Variants in ASAH1 observed in about 807,000 individuals in gnomAD.
The protein encoded by ASAH1 is N-acylsphingosine amidohydrolase 1, also known as acid ceramidase.
In ASAH1, 70 loss-of-function variants were observed where a neutral mutation model predicts 59.5. That is an observed-to-expected ratio of 1.18 (90% CI 0.97 to 1.43). The LOEUF is 1.43. Among genes scored for constraint, ASAH1 ranks in the 40% most tolerant of loss-of-function variants. The pLI, the probability that ASAH1 is intolerant of heterozygous loss-of-function variation, is 0.00. For missense variants in ASAH1, 660 were observed against 482.5 expected, an observed-to-expected ratio of 1.37 and a Z score of -3.45; for synonymous variants, 213 against 166.5, an observed-to-expected ratio of 1.28 and a Z score of -2.15.
chr8:18,072,396 A>G (rs1800210861), intron 2 of ASAH1, among the ~76,000 whole-genome samples: 1 of 152,204 alleles, frequency 6.6e-6, no homozygotes, highest in East Asian at 1.9e-4. Flanking sequence ...TTCCACTATC[A>G]TAAATAATTA....
At chr8:18,076,109 C>T (rs970186179) in intron 1 of ASAH1, 1 of 169,992 alleles carries the variant, frequency 5.9e-6, no homozygotes, top group Non-Finnish European at 1.3e-5. Context: ...CAGGCACTTC[C>T]TATCATCTCT....
intron 1 of ASAH1, among the ~76,000 whole-genome samples, chr8:18,078,735 A>G (rs552639029): frequency 2.6e-5 from 4 of 152,306 alleles, no homozygotes; most frequent in Admixed American, 2.6e-4. Flanking sequence ...GCAGGTAAAA[A>G]CTTAAATAGA....
At position 18,057,131 on chromosome 8, in the gene ASAH1, T is replaced by A. The variant is rs1184623542; in HGVS notation, c.*403A>T. The A allele has an allele frequency of 1.0e-5, 2 of 192,418 alleles. No homozygotes were observed. Among genetic ancestry groups the A allele is most frequent in the Non-Finnish European group, 2.2e-5 (2 of 90,848 alleles). 11.9% of individuals were successfully genotyped at this position (192,418 alleles called of 1,614,324 possible). A position where few individuals can be genotyped will look rare whatever the true frequency, so the allele number is the denominator to read the frequency against. ...AAACATACAAATATGTAGGTAGAAG[T>A]GAAAAACTGAAGAATGTGGAGTGTT... is the stretch of plus-strand genomic sequence containing the variant. On this transcript the variant is annotated 3_prime_UTR_variant, in exon 14 of 14. Coordinates refer to ENST00000637790, the MANE Select transcript of ASAH1 (RefSeq NM_177924.5).
chr8:18,059,524 A>T (rs753916004), intron 11 of ASAH1, 48 bp downstream of exon 11: 1 of 1,614,122 alleles, frequency 6.2e-7, no homozygotes, highest in South Asian at 1.1e-5. Context: ...AAAGTATATC[A>T]GTGTATGCTT....
rs1588969963 is a variant in ASAH1 at position 18,056,203 on chromosome 8, C to T, written c.*1331G>A. 2.6e-5 allele frequency: 4 copies of T among 152,078 alleles called. No homozygotes were observed. In the East Asian group the frequency reaches 5.8e-4, roughly 22 times the overall value. 9.4% of individuals were successfully genotyped at this position (152,078 alleles called of 1,614,324 possible). On this transcript the variant is annotated 3_prime_UTR_variant, in exon 14 of 14. Coordinates refer to ENST00000637790, the MANE Select transcript of ASAH1 (RefSeq NM_177924.5). ...GAATCACTAAAGTTTTGTGGAAGCA[C>T]CACCTATCTGGGGGAAAAACTGCCT...
chr8:18,078,841 T>C (rs1471627354), intron 1 of ASAH1, among the ~76,000 whole-genome samples: 1 of 152,120 alleles, frequency 6.6e-6, no homozygotes, highest in Non-Finnish European at 1.5e-5. Context: ...AAAATCCAAC[T>C]TAGAATCAAT....
chr8:18,074,221 A>G (rs575604101), intron 2 of ASAH1, among the ~76,000 whole-genome samples: 2 of 152,218 alleles, frequency 1.3e-5, no homozygotes, highest in Non-Finnish European at 1.5e-5. Context: ...CATGTCACTG[A>G]AGGCCAGAAT....
At position 18,058,838 on chromosome 8, in the gene ASAH1, G is replaced by A; in HGVS notation, c.1095C>T (p.Asn365=). 1 of 1,609,816 alleles carries A rather than the reference G, an allele frequency of 6.2e-7. No individual in the cohort carries two copies. The highest frequency in any genetic ancestry group is 8.5e-7 in the Non-Finnish European group (1 of 1,176,076). ...ATACATATAACATTTAAAATACCTT[G>A]TTGAGGACAGGTTTTGTTGACAGGA... ...YDVLSTKPVL[N]KLTVYTTLID... Residue 365 remains asparagine, a synonymous_variant, in exon 13 of 14, where the codon AAC becomes AAT. Transcript: ENST00000637790.
At chr8:18,061,635 C>G (rs529018586) in intron 9 of ASAH1, 51 bp downstream of exon 9, 1 of 1,557,548 alleles carries the variant, frequency 6.4e-7, no homozygotes, top group East Asian at 2.4e-5. Flanking sequence ...TCCAGCCTTC[C>G]TCATAAAAAA....
chr8:18,061,214 C>A lies in ASAH1; in HGVS notation c.785+163G>T, dbSNP rs1473236954. 14 of 605,064 alleles carry A rather than the reference C, an allele frequency of 2.3e-5. No individual in the cohort carries two copies. In the African/African-American group the frequency reaches 2.6e-4, roughly 11 times the overall value. 37.5% of individuals were successfully genotyped at this position (605,064 alleles called of 1,614,324 possible). ...TATTTGCTATAAAACACACAGTCTG[C>A]ACGAAGAAAACATGAGTAATTCCAC... On this transcript the variant is annotated intron_variant, in intron 10 of 13. Coordinates refer to ENST00000637790, the MANE Select transcript of ASAH1 (RefSeq NM_177924.5).
chr8:18,073,015 A>C (rs1248413639), intron 2 of ASAH1, among the ~76,000 whole-genome samples: 1 of 152,176 alleles, frequency 6.6e-6, no homozygotes, highest in Non-Finnish European at 1.5e-5. Context: ...TGAACACAAC[A>C]CAACGGACAA....
chr8:18,077,078 C>T (rs1800433067), intron 1 of ASAH1, among the ~76,000 whole-genome samples: 1 of 152,202 alleles, frequency 6.6e-6, no homozygotes, highest in African/African-American at 2.4e-5. Flanking sequence ...AACTCAAAGA[C>T]TGCAAAACTT....
chr8:18,075,035 G>C (rs186069959), intron 2 of ASAH1, among the ~76,000 whole-genome samples: 1 of 134,564 alleles, frequency 7.4e-6, no homozygotes, highest in South Asian at 2.5e-4. Context: ...TCACTCTGTC[G>C]CCCAGACTGG....
intron 5 of ASAH1, 97 bp downstream of exon 5, chr8:18,067,123 A>ACATACAGCACCTGTGCTGTATATCTAAGC: frequency 1.8e-6 from 1 of 554,786 alleles, no homozygotes; most frequent in African/African-American, 2.6e-5. Context: ...TATATCTAAG[A>ACATACAGCACCTGTGCTGTATATCTAAGC]CATACAGCAC....
intron 8 of ASAH1, chr8:18,062,048 C>T: frequency 1.6e-6 from 1 of 641,110 alleles, no homozygotes; most frequent in Non-Finnish European, 2.7e-6. Flanking sequence ...ACTCCCAGCC[C>T]TTGACACCCA....
intron 13 of ASAH1, 54 bp from the exon 14 acceptor site, chr8:18,057,677 G>T: frequency 7.9e-7 from 1 of 1,258,204 alleles, no homozygotes; most frequent in Non-Finnish European, 1.1e-6. Context: ...GAGATGTTCT[G>T]ATATATATTA....
intron 3 of ASAH1, 146 bp downstream of exon 3, chr8:18,071,154 C>G (rs1800152474): frequency 3.2e-6 from 1 of 308,772 alleles, no homozygotes; most frequent in South Asian, 8.1e-5. Flanking sequence ...TTGCGGCGAG[C>G]TGAGATCGTG....
At chr8:18,081,382 C>T (rs1401111042) in intron 1 of ASAH1, among the ~76,000 whole-genome samples, 1 of 152,172 alleles carries the variant, frequency 6.6e-6, no homozygotes, top group Non-Finnish European at 1.5e-5. Flanking sequence ...ACCTCCAATC[C>T]AGACTCATCT....
chr8:18,075,585 C>G lies in ASAH1; in HGVS notation c.81G>C (p.Trp27Cys), dbSNP rs1800371162. Reference sequence around the variant, plus strand: ...AGGTTGATTTTCTGCAGTCCTCTGTCCACTGAAAAGCAAAGAAAATTAAGT... The same window carrying G: ...AGGTTGATTTTCTGCAGTCCTCTGTGCACTGAAAAGCAAAGAAAATTAAGT... ...SCAVAQHAPPWTEDCRKSTYP... is the reference protein window; with the variant it reads ...SCAVAQHAPPCTEDCRKSTYP... The change falls in exon 2 of 14, where the codon TGG (tryptophan) becomes TGC (cysteine). Residue 27 changes from tryptophan (W) to cysteine (C), a missense_variant and splice_region_variant. Physicochemically the swap from Trp to Cys is radical, Grantham distance 215 (BLOSUM62 -2). Coordinates refer to ENST00000637790, the MANE Select transcript of ASAH1 (RefSeq NM_177924.5). 1 of 1,613,928 alleles carries G rather than the reference C, an allele frequency of 6.2e-7. No individual in the cohort carries two copies. Among genetic ancestry groups the G allele is most frequent in the Non-Finnish European group, 8.5e-7 (1 of 1,179,980 alleles).
Sources: allele counts gnomAD v4.1 joint callset (sites outside exome capture counted in the v4.1 genomes callset), GRCh38; gene constraint gnomAD v4.1.1; transcripts MANE v1.5; gene names NCBI Gene and HGNC (gene_info 2026-07-23, HGNC 2026-07-21).